SH3RF1: variants seen among roughly 807,000 people sequenced by gnomAD.
SH3RF1 encodes the protein SH3 domain containing ring finger 1.
Under a neutral mutation model 74.0 loss-of-function variants are expected in SH3RF1, and 32 were observed. The observed-to-expected ratio is 0.43, with a 90% CI of 0.33 to 0.58. The LOEUF is 0.58. Ranked by LOEUF, SH3RF1 falls within the 20% of genes least tolerant of loss-of-function variation. The pLI, the probability that SH3RF1 is intolerant of heterozygous loss-of-function variation, is 0.05. For synonymous variants in SH3RF1, 396 were observed against 439.6 expected (o/e 0.90, Z 1.24); for missense variants, 954 against 1,130.9 (o/e 0.84, Z 2.24).
rs979073696 is a variant in SH3RF1 at position 169,116,545 on chromosome 4, C to T, written c.1863G>A (p.Val621=). The change falls in exon 10 of 12, where the codon GTG becomes GTA. Residue 621 remains valine (V), a synonymous_variant. Coordinates refer to ENST00000284637, the MANE Select transcript of SH3RF1 (RefSeq NM_020870.4). ...AGGCCAGCGAGTGATGGGACAGGCC[C>T]ACAGATGCAGGGCTGAGGCCGGCGG... ...QNAAGLSPAS[V]GLSHHSLASP... 8 of 1,611,328 alleles carry T rather than the reference C, an allele frequency of 5.0e-6. No homozygotes were observed. Among genetic ancestry groups the T allele is most frequent in the Non-Finnish European group, 6.8e-6 (8 of 1,178,664 alleles).
chr4:169,137,063 T>C (rs1218280693), intron 4 of SH3RF1, among the ~76,000 whole-genome samples: 3 of 152,250 alleles, frequency 2.0e-5, no homozygotes, highest in Non-Finnish European at 4.4e-5. Flanking sequence ...GGGCAACTTC[T>C]GGGTTTGGTA....
At chr4:169,248,657 T>A (rs1265246875) in intron 2 of SH3RF1, among the ~76,000 whole-genome samples, 1 of 152,090 alleles carries the variant, frequency 6.6e-6, no homozygotes, top group African/African-American at 2.4e-5. Context: ...AGTAAAATTT[T>A]AAAAAATTCA....
chr4:169,187,567 T>C (rs1204614070), intron 2 of SH3RF1, among the ~76,000 whole-genome samples: 1 of 138,348 alleles, frequency 7.2e-6, no homozygotes, highest in Non-Finnish European at 1.6e-5. Context: ...TGTGTGTGTG[T>C]AGTTGACAAG....
chr4:169,211,798 A>G (rs1380611896), intron 2 of SH3RF1, among the ~76,000 whole-genome samples: 6 of 152,176 alleles, frequency 3.9e-5, no homozygotes, highest in African/African-American at 1.4e-4. Flanking sequence ...TCAGATGCCA[A>G]TCAAACTGGC....
rs193227660 is a variant in SH3RF1, at chr4:169,179,234, G to A, written c.394-22555C>T. On this transcript the variant is annotated intron_variant, in intron 2 of 11. Coordinates refer to ENST00000284637, the MANE Select transcript of SH3RF1 (RefSeq NM_020870.4). ...ACAGAGATGCAACTTTGCTGGCTTTGAAGACAAAAGGAGAGGACCACAAGC... is the reference window on the plus strand; with the variant it reads ...ACAGAGATGCAACTTTGCTGGCTTTAAAGACAAAAGGAGAGGACCACAAGC... 3.0e-4 allele frequency among the ~76,000 whole-genome samples: 46 copies of A among 152,250 alleles called. No individual in the cohort carries two copies. In the East Asian group the frequency reaches 6.8e-3, roughly 22 times the overall value.
intron 2 of SH3RF1, among the ~76,000 whole-genome samples, chr4:169,218,379 GAATA>G (rs1388070587): frequency 1.8e-4 from 24 of 134,832 alleles, no homozygotes; most frequent in Middle Eastern, 3.9e-3. Flanking sequence ...ATAGAATATA[GAATA>G]TATATATTAT....
chr4:169,121,177 T>C (rs1251866247), intron 7 of SH3RF1, among the ~76,000 whole-genome samples, 188 bp from the exon 8 acceptor site: 1 of 152,200 alleles, frequency 6.6e-6, no homozygotes, highest in African/African-American at 2.4e-5. Context: ...ATTTTAAAAG[T>C]AGGCAGAGGC....
intron 2 of SH3RF1, among the ~76,000 whole-genome samples, chr4:169,250,852 A>G (rs1320087406): frequency 6.6e-6 from 1 of 152,204 alleles, no homozygotes; most frequent in Non-Finnish European, 1.5e-5. Context: ...CTTATAAGGA[A>G]GAGACATTTG....
At chr4:169,179,882 C>T (rs982035672) in intron 2 of SH3RF1, among the ~76,000 whole-genome samples, 2 of 152,134 alleles carry the variant, frequency 1.3e-5, no homozygotes, top group African/African-American at 4.8e-5. Flanking sequence ...ACATATTCCA[C>T]CCACTAAGTC....
chr4:169,105,592 GGAA>G (rs1260981481), intron 11 of SH3RF1, among the ~76,000 whole-genome samples: 4 of 152,182 alleles, frequency 2.6e-5, no homozygotes, highest in South Asian at 2.1e-4. Flanking sequence ...TTCTGGCTCA[GGAA>G]GAAGAAGAGA....
chr4:169,131,760 C>T lies in SH3RF1; in HGVS notation c.1069-1604G>A, dbSNP rs535670847. ...CTGGTTGCTTTCTGTAACCAATCAG[C>T]CATTTGCATAGGAGTATAACTTTGT... On this transcript the variant is annotated intron_variant, in intron 5 of 11. Transcript: ENST00000284637. Among the ~76,000 whole-genome samples, 5 of 151,634 alleles carry T rather than the reference C, an allele frequency of 3.3e-5. No individual in the cohort carries two copies. In the South Asian group the frequency reaches 1.0e-3, roughly 32 times the overall value.
At chr4:169,157,327 T>C (rs1279889193) in intron 2 of SH3RF1, among the ~76,000 whole-genome samples, 6 of 152,226 alleles carry the variant, frequency 3.9e-5, no homozygotes, top group Admixed American at 3.9e-4. Context: ...AATCTGTAAG[T>C]GTATAGACAC....
chr4:169,113,121 TC>T lies in SH3RF1; in HGVS notation c.2139+3147del, dbSNP rs545952938. On this transcript the variant is annotated intron_variant, in intron 10 of 11. Coordinates refer to ENST00000284637, the MANE Select transcript of SH3RF1 (RefSeq NM_020870.4). ...GCAAGTCCCAGTTTTCTTTTTTTTT[TC>T]CCCCCTGAGACAGAGTCTCACTCTG... Among the ~76,000 whole-genome samples the T allele has an allele frequency of 1.7e-3, 260 of 151,302 alleles. 2 individuals are homozygous for T. The highest frequency in any genetic ancestry group is 6.0e-3 in the African/African-American group (246 of 41,058).
Position 169,096,282 on chromosome 4 carries a change from G to T in SH3RF1, c.*237C>A. 2 of 382,786 alleles carry T rather than the reference G, an allele frequency of 5.2e-6. No homozygotes were observed. The highest frequency in any genetic ancestry group is 9.2e-6 in the Non-Finnish European group (2 of 217,246). 23.7% of individuals were successfully genotyped at this position (382,786 alleles called of 1,614,324 possible). On this transcript the variant is annotated 3_prime_UTR_variant, in exon 12 of 12. Coordinates refer to ENST00000284637, the MANE Select transcript of SH3RF1 (RefSeq NM_020870.4). ...AAAAAAAAAAAAGTTTCTCTGTGTA[G>T]TAAATCAGACAGTACAAGGCACACC... is the stretch of plus-strand genomic sequence containing the variant.
At chr4:169,126,738 C>G (rs1033406366) in intron 6 of SH3RF1, among the ~76,000 whole-genome samples, 2 of 152,054 alleles carry the variant, frequency 1.3e-5, no homozygotes, top group African/African-American at 2.4e-5. Context: ...CATGCACCAC[C>G]ATGCCCAGCT....
intron 2 of SH3RF1, among the ~76,000 whole-genome samples, chr4:169,165,491 G>C (rs901060682): frequency 6.6e-6 from 1 of 152,108 alleles, no homozygotes; most frequent in Non-Finnish European, 1.5e-5. Flanking sequence ...CAACTAGTCT[G>C]GGTGATCTGG....
At position 169,116,637 on chromosome 4, in the gene SH3RF1, G is replaced by C; in HGVS notation, c.1778-7C>G. ...TCCTGGTTGTGCGCTGCAACTAGTA[G>C]ATGGGAAGAGGGAACACAGCAAAAT... On this transcript the variant is annotated splice_polypyrimidine_tract_variant and splice_region_variant and intron_variant, in intron 9 of 11. Coordinates refer to ENST00000284637, the MANE Select transcript of SH3RF1 (RefSeq NM_020870.4). 1 of 1,523,426 alleles carries C rather than the reference G, an allele frequency of 6.6e-7. No individual in the cohort carries two copies. Among genetic ancestry groups the C allele is most frequent in the Non-Finnish European group, 8.8e-7 (1 of 1,132,886 alleles). The allele number at this position is 1,523,426 out of a possible 1,614,324, so 94.4% of individuals were successfully genotyped here.
At chr4:169,243,868 T>C (rs1730952687) in intron 2 of SH3RF1, among the ~76,000 whole-genome samples, 1 of 152,248 alleles carries the variant, frequency 6.6e-6, no homozygotes, top group Non-Finnish European at 1.5e-5. Context: ...CAAATGTAAT[T>C]TGTTGCACTG....
chr4:169,230,585 G>A (rs918667062), intron 2 of SH3RF1, among the ~76,000 whole-genome samples: 1 of 152,052 alleles, frequency 6.6e-6, no homozygotes, highest in Non-Finnish European at 1.5e-5. Flanking sequence ...CCACGTGGGC[G>A]CAGTGACTCA....
Sources: allele counts gnomAD v4.1 joint callset (sites outside exome capture counted in the v4.1 genomes callset), GRCh38; gene constraint gnomAD v4.1.1; transcripts MANE v1.5; gene names NCBI Gene and HGNC (gene_info 2026-07-23, HGNC 2026-07-21).